The following ADAMTSL3 variants were observed in gnomAD, a reference collection of about 807,000 sequenced individuals.
ADAMTSL3 encodes ADAMTS-like protein 3.
ADAMTSL3 carries 128 observed loss-of-function variants against 201.7 expected under a neutral mutation model. The ratio of observed to expected loss-of-function variants is 0.63; its 90% confidence interval spans 0.55 to 0.73. The LOEUF (loss-of-function observed/expected upper bound fraction) is 0.73, where lower values mean the gene tolerates loss of function less well. Ranked by LOEUF, ADAMTSL3 falls within the 30% of genes least tolerant of loss-of-function variation. ADAMTSL3 has a pLI of 0.00. For missense variants in ADAMTSL3, 1,990 were observed against 2,119.6 expected (o/e 0.94, Z 1.20); for synonymous variants, 738 against 748.4 (o/e 0.99, Z 0.23).
At position 83,691,641 on chromosome 15, in the gene ADAMTSL3, G is replaced by C. The variant is rs1000813084; in HGVS notation, c.70-12748G>C. Among the ~76,000 whole-genome samples, 15 of 152,234 alleles carry C rather than the reference G, an allele frequency of 9.9e-5. No homozygotes were observed. The South Asian group carries it at 3.1e-3, about 32-fold the overall frequency. On this transcript the variant is annotated intron_variant, in intron 2 of 29. Transcript: ENST00000286744. ...TCGTTTATTTATTTATTTTGAGATG[G>C]AGTTTCATTATTGCCTAGGCTGGAG...
intron 3 of ADAMTSL3, among the ~76,000 whole-genome samples, chr15:83,719,973 A>C (rs1381969412): frequency 6.6e-6 from 1 of 152,202 alleles, no homozygotes; most frequent in Non-Finnish European, 1.5e-5. Flanking sequence ...TAATCCCAGT[A>C]CTTTGGGAGG....
chr15:83,982,380 A>G lies in ADAMTSL3; in HGVS notation c.2752A>G (p.Ile918Val), dbSNP rs1481651933. 6.2e-7 allele frequency: 1 copy of G among 1,614,084 alleles called. No homozygotes were observed. The highest frequency in any genetic ancestry group is 2.2e-5 in the East Asian group (1 of 44,886). The change falls in exon 21 of 30, where the codon ATT becomes GTT. Residue 918 changes from isoleucine to valine, a missense_variant. Coordinates refer to ENST00000286744, the MANE Select transcript of ADAMTSL3 (RefSeq NM_207517.3). Reference sequence around the variant, plus strand: ...GGAAGAGAAGCGTATTAACCTGACCATTGGTAGCAGAGCCTATTTGCTGCC... The same window carrying G: ...GGAAGAGAAGCGTATTAACCTGACCGTTGGTAGCAGAGCCTATTTGCTGCC... ...TREEKRINLTIGSRAYLLPNT... is the reference protein window; with the variant it reads ...TREEKRINLTVGSRAYLLPNT...
intron 9 of ADAMTSL3, among the ~76,000 whole-genome samples, chr15:83,882,542 GT>G (rs1034059746): frequency 2.6e-5 from 4 of 151,840 alleles, no homozygotes; most frequent in African/African-American, 7.3e-5. Context: ...TTCTTTAGTA[GT>G]TTTTTTTCTT....
chr15:83,831,601 T>A (rs1368799351), intron 6 of ADAMTSL3, among the ~76,000 whole-genome samples: 1 of 152,174 alleles, frequency 6.6e-6, no homozygotes, highest in African/African-American at 2.4e-5. Flanking sequence ...CTATCATGGC[T>A]CATTGCAGCC....
At chr15:83,885,760 T>C (rs1332463987) in intron 10 of ADAMTSL3, among the ~76,000 whole-genome samples, 1 of 152,124 alleles carries the variant, frequency 6.6e-6, no homozygotes, top group Non-Finnish European at 1.5e-5. Flanking sequence ...AGTCTCGCTC[T>C]GTCGCCCAGG....
At chr15:83,668,512 G>A (rs973511459) in intron 2 of ADAMTSL3, among the ~76,000 whole-genome samples, 2 of 151,722 alleles carry the variant, frequency 1.3e-5, no homozygotes, top group Non-Finnish European at 1.5e-5. Context: ...GTGTATGTGT[G>A]TTTGTGTTTC....
chr15:83,703,671 G>C (rs1301958065), intron 2 of ADAMTSL3, among the ~76,000 whole-genome samples: 3 of 152,112 alleles, frequency 2.0e-5, no homozygotes, highest in South Asian at 2.1e-4. Context: ...CCAGCCACGT[G>C]GAACTCTAAG....
intron 3 of ADAMTSL3, among the ~76,000 whole-genome samples, chr15:83,726,679 T>C (rs2062180405): frequency 6.6e-6 from 1 of 152,142 alleles, no homozygotes; most frequent in Non-Finnish European, 1.5e-5. Flanking sequence ...CTTCATTCTG[T>C]TGATATGATG....
At chr15:83,692,685 C>CAAAA (rs766382952) in intron 2 of ADAMTSL3, among the ~76,000 whole-genome samples, 19 of 43,244 alleles carry the variant, frequency 4.4e-4, no homozygotes, top group African/African-American at 7.6e-4. Flanking sequence ...GACTCCATCT[C>CAAAA]AAAAAAAAAA....
intron 2 of ADAMTSL3, among the ~76,000 whole-genome samples, chr15:83,697,443 C>A (rs28664943): frequency 2.0e-5 from 3 of 152,056 alleles, no homozygotes; most frequent in African/African-American, 7.2e-5. Flanking sequence ...GCCCTTCACA[C>A]GCCAATCTCA....
At chr15:83,879,169 G>C (rs1416639856) in intron 9 of ADAMTSL3, among the ~76,000 whole-genome samples, 1 of 152,052 alleles carries the variant, frequency 6.6e-6, no homozygotes, top group African/African-American at 2.4e-5. Context: ...TCACATCAGA[G>C]GGTTATCAAT....
At chr15:84,002,792 G>A (rs1176753265) in intron 23 of ADAMTSL3, among the ~76,000 whole-genome samples, 3 of 152,084 alleles carry the variant, frequency 2.0e-5, no homozygotes, top group Non-Finnish European at 4.4e-5. Flanking sequence ...TGATACTAAT[G>A]TTTGAAAGTC....
intron 6 of ADAMTSL3, among the ~76,000 whole-genome samples, chr15:83,829,550 A>T (rs2141953292): frequency 6.6e-6 from 1 of 151,832 alleles, no homozygotes; most frequent in Non-Finnish European, 1.5e-5. Context: ...GATCTTAGTT[A>T]TTTCTTGCCT....
At chr15:83,817,952 A>G (rs549987520) in intron 5 of ADAMTSL3, among the ~76,000 whole-genome samples, 1 of 152,196 alleles carries the variant, frequency 6.6e-6, no homozygotes, top group South Asian at 2.1e-4. Context: ...AGAGGCTGAG[A>G]CAGGAGAATC....
chr15:83,663,964 A>G (rs2061212110), intron 2 of ADAMTSL3, among the ~76,000 whole-genome samples: 1 of 151,944 alleles, frequency 6.6e-6, no homozygotes, highest in South Asian at 2.1e-4. Context: ...CTGGCTTTTA[A>G]AAAATGCTCC....
chr15:83,919,640 A>T (rs985581319), intron 16 of ADAMTSL3, among the ~76,000 whole-genome samples: 2 of 152,014 alleles, frequency 1.3e-5, no homozygotes, highest in African/African-American at 4.8e-5. Context: ...AGAGGAGGAG[A>T]TGACTAAGAT....
intron 6 of ADAMTSL3, among the ~76,000 whole-genome samples, chr15:83,827,275 T>G (rs904784962): frequency 3.3e-5 from 5 of 152,246 alleles, no homozygotes; most frequent in African/African-American, 9.6e-5. Context: ...GATGAGCATT[T>G]TTTCATGTGT....
At chr15:83,986,301 A>G (rs1231802529) in intron 21 of ADAMTSL3, among the ~76,000 whole-genome samples, 2 of 152,138 alleles carry the variant, frequency 1.3e-5, no homozygotes, top group Non-Finnish European at 2.9e-5. Context: ...CTACAATGAT[A>G]TAGAGGAGCC....
chr15:84,029,289 G>A (rs913117404), intron 27 of ADAMTSL3, among the ~76,000 whole-genome samples: 1 of 152,178 alleles, frequency 6.6e-6, no homozygotes, highest in Admixed American at 6.5e-5. Context: ...TGATAGTGGT[G>A]TGGACAATAA....
Sources: gnomAD v4.1 joint callset for allele counts (sites outside exome capture counted in the v4.1 genomes callset) on GRCh38, gnomAD v4.1.1 for gene constraint, MANE v1.5 for transcripts, NCBI Gene and HGNC (gene_info 2026-07-23, HGNC 2026-07-21) for gene names.